Variants in USP9Y observed in about 807,000 individuals in gnomAD.
USP9Y encodes ubiquitin carboxyl-terminal hydrolase 9Y.
Under a neutral mutation model 53.1 loss-of-function variants are expected in USP9Y, and 41 were observed. The ratio of observed to expected loss-of-function variants is 0.77; its 90% CI spans 0.60 to 1.00. USP9Y has a LOEUF of 1.00. USP9Y is among the 50% of genes least tolerant of loss of function. The pLI, the probability that USP9Y is intolerant of heterozygous loss-of-function variation, is 0.00. For missense variants in USP9Y, 567 were observed against 535.8 expected (o/e 1.06, Z -0.58); for synonymous variants, 220 against 173.7 (o/e 1.27, Z -2.09).
At chrY:12,749,824 T>TA (rs2053462874) in intron 12 of USP9Y, among the ~76,000 whole-genome samples, 1 of 34,005 alleles carries the variant, frequency 2.9e-5, no homozygotes, top group Admixed American at 2.7e-4. Context: ...CATTTACAAA[T>TA]TATGAAGCGA....
intron 27 of USP9Y, among the ~76,000 whole-genome samples, chrY:12,801,110 A>G: frequency 3.0e-5 from 1 of 33,515 alleles, no homozygotes; most frequent in African/African-American, 1.2e-4. Flanking sequence ...AAATGCTTAA[A>G]AGGTAACTTA....
intron 12 of USP9Y, among the ~76,000 whole-genome samples, chrY:12,743,864 A>C: frequency 3.5e-5 from 1 of 28,887 alleles, no homozygotes; most frequent in South Asian, 8.3e-4. Flanking sequence ...GAAATGTGGA[A>C]ATGTTGCAGT....
At chrY:12,726,072 C>G in intron 6 of USP9Y, among the ~76,000 whole-genome samples, 1 of 33,713 alleles carries the variant, frequency 3.0e-5, no homozygotes, top group Non-Finnish European at 7.4e-5. Flanking sequence ...AGTTATGAAT[C>G]AAATATATAC....
intron 42 of USP9Y, among the ~76,000 whole-genome samples, chrY:12,849,134 T>G: frequency 3.0e-5 from 1 of 33,773 alleles, no homozygotes; most frequent in East Asian, 7.8e-4. Flanking sequence ...TTTATTTCAT[T>G]GAGCAGTGGT....
chrY:12,821,220 T>G (rs747269323), intron 33 of USP9Y, among the ~76,000 whole-genome samples: 2 of 33,597 alleles, frequency 6.0e-5, no homozygotes, highest in Admixed American at 5.4e-4. Flanking sequence ...AACAAAAAAT[T>G]ACTTTTCTCT....
chrY:12,761,477 T>C, intron 15 of USP9Y, among the ~76,000 whole-genome samples: 1 of 33,756 alleles, frequency 3.0e-5, no homozygotes, highest in African/African-American at 1.2e-4. Flanking sequence ...TGGAGATCTA[T>C]CTTGGCATGT....
At chrY:12,812,466 C>T in intron 30 of USP9Y, among the ~76,000 whole-genome samples, 2 of 33,376 alleles carry the variant, frequency 6.0e-5, no homozygotes, top group Non-Finnish European at 1.5e-4. Context: ...ATTTTTTATA[C>T]ACTATTTCTT....
intron 12 of USP9Y, among the ~76,000 whole-genome samples, chrY:12,754,296 C>T (rs2148283450): frequency 6.5e-5 from 2 of 30,844 alleles, no homozygotes; most frequent in Admixed American, 3.1e-4. Context: ...GGTACAATCA[C>T]ACTCACTGCA....
At chrY:12,858,654 G>A (rs2053580057) in intron 45 of USP9Y, among the ~76,000 whole-genome samples, 1 of 32,750 alleles carries the variant, frequency 3.1e-5, no homozygotes, top group Non-Finnish European at 7.5e-5. Flanking sequence ...AAATTTCCAA[G>A]TGTTGCTGCT....
At chrY:12,799,203 C>T (rs964031118) in intron 27 of USP9Y, among the ~76,000 whole-genome samples, 3 of 32,715 alleles carry the variant, frequency 9.2e-5, no homozygotes, top group Non-Finnish European at 2.3e-4. Context: ...GCCAGTTGAT[C>T]GGAGCCATCT....
At chrY:12,793,377 AT>A (rs2053510448) in intron 27 of USP9Y, among the ~76,000 whole-genome samples, 176 bp downstream of exon 27, 1 of 33,360 alleles carries the variant, frequency 3.0e-5, no homozygotes, top group Non-Finnish European at 7.4e-5. Context: ...GTTAACCTGA[AT>A]TTTTTTCTCT....
intron 1 of USP9Y, among the ~76,000 whole-genome samples, chrY:12,707,974 G>A (rs1421837326): frequency 2.2e-4 from 7 of 32,267 alleles, no homozygotes; most frequent in Admixed American, 8.5e-4. Context: ...TACTGACCTC[G>A]TGATCCGCCC....
At position 12,771,099 on chromosome Y, in the gene USP9Y, G is replaced by A; in HGVS notation, c.1932G>A (p.Arg644=). ...AAGACTATGATCCACAAACAGTGAG[G>A]CTTGGAAGTCGATACAGTCATGTTC... is the stretch of plus-strand genomic sequence containing the variant. The part of the protein sequence containing the change: ...DHEDYDPQTV[R]LGSRYSHVQE... The change falls in exon 16 of 46, where the codon AGG becomes AGA. Residue 644 remains arginine, a synonymous_variant. Coordinates refer to ENST00000338981, the MANE Select transcript of USP9Y (RefSeq NM_004654.4). 1 of 395,479 alleles carries A rather than the reference G, an allele frequency of 2.5e-6. No homozygotes were observed. The highest frequency in any genetic ancestry group is 3.5e-6 in the Non-Finnish European group (1 of 282,171).
At position 12,842,445 on chromosome Y, in the gene USP9Y, T is replaced by A. The variant is rs1459466298; in HGVS notation, c.6418T>A (p.Ser2140Thr). 5 of 395,895 alleles carry A rather than the reference T, an allele frequency of 1.3e-5. No homozygotes were observed. The highest frequency in any genetic ancestry group is 8.9e-5 in the South Asian group (3 of 33,642). ...TGGGTCTTGTCCTTCTCCTTTTGCA[T>A]CTCCAGGACCTTCTAGTCAGGTAAT... Reference protein sequence around the residue: ...QDGSCPSPFASPGPSSQACDN... With the variant: ...QDGSCPSPFATPGPSSQACDN... Residue 2140 changes from serine (S) to threonine (T), a missense_variant, in exon 38 of 46, where the codon TCT (serine) becomes ACT (threonine). Ser to Thr is a moderately conservative substitution (Grantham distance 58). Coordinates refer to ENST00000338981, the MANE Select transcript of USP9Y (RefSeq NM_004654.4).
chrY:12,708,569 A>T, intron 1 of USP9Y, 65 bp from the exon 2 acceptor site: 1 of 34,038 alleles, frequency 2.9e-5, no homozygotes, highest in East Asian at 7.6e-4. Context: ...TGATACAATG[A>T]TGTGTTGACT....
chrY:12,743,256 T>G (rs916342687), intron 12 of USP9Y, among the ~76,000 whole-genome samples: 10 of 32,091 alleles, frequency 3.1e-4, no homozygotes, highest in Admixed American at 2.9e-3. Flanking sequence ...TTATTGCTGT[T>G]GTTTTTTGAG....
intron 34 of USP9Y, among the ~76,000 whole-genome samples, chrY:12,837,667 A>G: frequency 1.5e-4 from 5 of 32,887 alleles, no homozygotes; most frequent in Non-Finnish European, 3.0e-4. Flanking sequence ...TGGTTTAAAT[A>G]CAGATGAAGC....
chrY:12,779,929 C>A, intron 22 of USP9Y, among the ~76,000 whole-genome samples: 2 of 33,583 alleles, frequency 6.0e-5, no homozygotes, highest in Admixed American at 2.7e-4. Flanking sequence ...CAGTCTCCTA[C>A]CTCATCCATC....
chrY:12,846,409 A>G lies in USP9Y; in HGVS notation c.6645A>G (p.Pro2215=). 2.5e-6 allele frequency: 1 copy of G among 398,055 alleles called. No individual in the cohort carries two copies. The highest frequency in any genetic ancestry group is 3.5e-6 in the Non-Finnish European group (1 of 282,980). Residue 2215 remains proline (P), a synonymous_variant, in exon 40 of 46, where the codon CCA becomes CCG. Transcript: ENST00000338981. ...TGCTTGTGTCTTTAGACGAAGGACC[A>G]GGTCCTCCAATCAAATATCAGTATG... is the stretch of plus-strand genomic sequence containing the variant. ...TFMLVSLDEG[P]GPPIKYQYAE...
Sources: allele counts gnomAD v4.1 joint callset (sites outside exome capture counted in the v4.1 genomes callset), GRCh38; gene constraint gnomAD v4.1.1; transcripts MANE v1.5; gene names NCBI Gene and HGNC (gene_info 2026-07-23, HGNC 2026-07-21).